CNTLN: variants seen among roughly 807,000 people sequenced by gnomAD.
The protein encoded by CNTLN is centlein, centrosomal protein.
In CNTLN, 212 loss-of-function variants were observed where a neutral mutation model predicts 180.0. The ratio of observed to expected loss-of-function variants is 1.18; its 90% CI spans 1.05 to 1.32. The LOEUF is 1.32. CNTLN is among the 40% of genes most tolerant of loss of function. The pLI, the probability that CNTLN is intolerant of heterozygous loss-of-function variation, is 0.00. For missense variants in CNTLN, 2,095 were observed against 1,610.9 expected (o/e 1.30, Z -5.14); for synonymous variants, 722 against 563.1 (o/e 1.28, Z -3.99).
chr9:17,206,175 G>A (rs905193978), intron 2 of CNTLN, among the ~76,000 whole-genome samples: 3 of 152,126 alleles, frequency 2.0e-5, no homozygotes, highest in Admixed American at 2.0e-4. Context: ...TGGATATGCC[G>A]ATACCAATGG....
At chr9:17,165,648 A>G (rs1820019121) in intron 2 of CNTLN, among the ~76,000 whole-genome samples, 1 of 152,204 alleles carries the variant, frequency 6.6e-6, no homozygotes, top group South Asian at 2.1e-4. Flanking sequence ...TTTCCTTGAA[A>G]AATTGAAATA....
intron 5 of CNTLN, among the ~76,000 whole-genome samples, chr9:17,261,923 C>T (rs78970135): frequency 2.0e-5 from 3 of 151,632 alleles, no homozygotes; most frequent in Non-Finnish European, 1.5e-5. Context: ...AGGACATGAA[C>T]AGACACTTCT....
At chr9:17,415,056 A>C (rs1343854023) in intron 16 of CNTLN, among the ~76,000 whole-genome samples, 1 of 152,088 alleles carries the variant, frequency 6.6e-6, no homozygotes, top group South Asian at 2.1e-4. Flanking sequence ...ACTGTACTCC[A>C]GCCTGAGTGA....
At chr9:17,413,399 AAAC>A (rs1827998508) in intron 16 of CNTLN, among the ~76,000 whole-genome samples, 1 of 152,146 alleles carries the variant, frequency 6.6e-6, no homozygotes. Context: ...CCATAAAAGA[AAAC>A]AACAGTAAAT....
intron 8 of CNTLN, among the ~76,000 whole-genome samples, chr9:17,312,329 T>C (rs934060167): frequency 3.3e-5 from 4 of 120,694 alleles, no homozygotes; most frequent in Non-Finnish European, 5.5e-5. Flanking sequence ...TAGTACTCGA[T>C]AAGATTACTG....
chr9:17,299,485 A>G lies in CNTLN; in HGVS notation c.1146+1133A>G, dbSNP rs140346724. On this transcript the variant is annotated intron_variant, in intron 7 of 25. Coordinates refer to ENST00000380647, the MANE Select transcript of CNTLN (RefSeq NM_017738.4). ...AAATCACTGTGAAAATCGAATGTCTATAATTAACATGAAATTAATTACCTT... is the reference window on the plus strand; with the variant it reads ...AAATCACTGTGAAAATCGAATGTCTGTAATTAACATGAAATTAATTACCTT... The G allele has an allele frequency of 3.3e-3, 3,220 of 980,576 alleles. 11 individuals carry two copies. Among genetic ancestry groups the G allele is most frequent in the Non-Finnish European group, 3.4e-3 (2,805 of 825,560 alleles). The allele number at this position is 980,576 out of a possible 1,614,324, so 60.7% of individuals were successfully genotyped here.
intron 2 of CNTLN, among the ~76,000 whole-genome samples, chr9:17,185,795 GTGTGTGTATC>G (rs1821397983): frequency 1.3e-5 from 2 of 152,008 alleles, no homozygotes; most frequent in South Asian, 4.2e-4. Context: ...GTGTGTGTGT[GTGTGTGTATC>G]TGTGTGTGTC....
intron 5 of CNTLN, 80 bp downstream of exon 5, chr9:17,236,668 A>C: frequency 8.8e-7 from 1 of 1,131,792 alleles, no homozygotes; most frequent in Non-Finnish European, 1.3e-6. Flanking sequence ...TATTTTCTTT[A>C]ACAACTTATA....
chr9:17,258,299 G>A (rs535127024), intron 5 of CNTLN, among the ~76,000 whole-genome samples: 4,041 of 145,454 alleles, frequency 0.028, 120 homozygotes, highest in African/African-American at 0.1. Context: ...GATATGCGGC[G>A]TTATTTCTGA....
At chr9:17,475,742 G>A (rs1161306153) in intron 23 of CNTLN, among the ~76,000 whole-genome samples, 1 of 151,902 alleles carries the variant, frequency 6.6e-6, no homozygotes, top group Non-Finnish European at 1.5e-5. Context: ...GCATGGTGGT[G>A]GGCACCTGTA....
Position 17,503,033 on chromosome 9 carries a change from T to G in CNTLN, c.*381T>G, listed in dbSNP as rs1703813673. ...TACGTTTCATGAAGAAACTAGACTT[T>G]TTACATAAAACTGCTATAGATGGCC... On this transcript the variant is annotated 3_prime_UTR_variant, in exon 26 of 26. Coordinates refer to ENST00000380647, the MANE Select transcript of CNTLN (RefSeq NM_017738.4). 6.5e-6 allele frequency: 1 copy of G among 153,212 alleles called. No homozygotes were observed. The highest frequency in any genetic ancestry group is 1.5e-5 in the Non-Finnish European group (1 of 68,634). The allele number at this position is 153,212 out of a possible 1,614,324, so 9.5% of individuals were successfully genotyped here.
At chr9:17,264,140 T>A (rs376790228) in intron 5 of CNTLN, among the ~76,000 whole-genome samples, 1 of 143,682 alleles carries the variant, frequency 7.0e-6, no homozygotes, top group South Asian at 2.4e-4. Context: ...CTGAATGGTA[T>A]TGCCTAGGTT....
At chr9:17,370,297 A>G (rs1432783974) in intron 13 of CNTLN, among the ~76,000 whole-genome samples, 1 of 152,204 alleles carries the variant, frequency 6.6e-6, no homozygotes, top group African/African-American at 2.4e-5. Context: ...AAAGGACCCT[A>G]AAAGCAGCAA....
chr9:17,431,880 A>C (rs567550766), intron 18 of CNTLN, among the ~76,000 whole-genome samples: 1 of 152,240 alleles, frequency 6.6e-6, no homozygotes, highest in South Asian at 2.1e-4. Flanking sequence ...AAGATAAAGG[A>C]TCAAACAAAT....
At chr9:17,482,800 G>A (rs1257628713) in intron 23 of CNTLN, among the ~76,000 whole-genome samples, 1 of 152,168 alleles carries the variant, frequency 6.6e-6, no homozygotes, top group African/African-American at 2.4e-5. Flanking sequence ...AAACATTTAT[G>A]AAACCACTTG....
chr9:17,166,065 G>T (rs1820049080), intron 2 of CNTLN, among the ~76,000 whole-genome samples: 1 of 152,090 alleles, frequency 6.6e-6, no homozygotes, highest in South Asian at 2.1e-4. Flanking sequence ...TAATATGAAG[G>T]ATAAGAAACC....
intron 5 of CNTLN, among the ~76,000 whole-genome samples, chr9:17,242,315 T>C (rs549116025): frequency 5.3e-5 from 8 of 151,676 alleles, no homozygotes; most frequent in South Asian, 2.1e-4. Context: ...TTTTTTTTTT[T>C]CCTTTTGTCT....
chr9:17,514,280 A>C, the CNTLN span, among the ~76,000 whole-genome samples: 12 of 152,196 alleles, frequency 7.9e-5, no homozygotes, highest in Non-Finnish European at 5.9e-5. Flanking sequence ...ACTGTACTCC[A>C]GCCTGAGAGA....
chr9:17,291,464 A>T (rs571316047), intron 6 of CNTLN, among the ~76,000 whole-genome samples: 1 of 152,108 alleles, frequency 6.6e-6, no homozygotes, highest in Non-Finnish European at 1.5e-5. Context: ...GTCTCTAAGA[A>T]CTTGTTTTAT....
Sources: allele counts gnomAD v4.1 joint callset (sites outside exome capture counted in the v4.1 genomes callset), GRCh38; gene constraint gnomAD v4.1.1; transcripts MANE v1.5; gene names NCBI Gene and HGNC (gene_info 2026-07-23, HGNC 2026-07-21).